Variants in DDHD1 observed in about 807,000 individuals in gnomAD.
DDHD1 encodes phospholipase DDHD1.
A neutral mutation model predicts 96.4 loss-of-function variants in DDHD1; 49 were observed. That is an observed-to-expected ratio of 0.51 (90% CI 0.40 to 0.64). DDHD1 has a LOEUF of 0.64. Among genes scored for constraint, DDHD1 ranks in the 30% least tolerant of loss-of-function variants. DDHD1 has a pLI of 0.00. For synonymous variants in DDHD1, 442 were observed against 446.5 expected, an observed-to-expected ratio of 0.99 and a Z score of 0.13; for missense variants, 1,106 against 1,161.2, an observed-to-expected ratio of 0.95 and a Z score of 0.69.
intron 1 of DDHD1, among the ~76,000 whole-genome samples, chr14:53,106,245 A>G (rs902179206): frequency 1.3e-5 from 2 of 152,222 alleles, no homozygotes; most frequent in African/African-American, 2.4e-5. Flanking sequence ...TTATCACCAC[A>G]TATTTCCTAA....
chr14:53,058,535 A>G lies in DDHD1; in HGVS notation c.1934T>C (p.Ile645Thr). Residue 645 changes from isoleucine (I) to threonine (T), a missense_variant, in exon 9 of 13, where the codon ATT (isoleucine) becomes ACT (threonine). Physicochemically the swap from Ile to Thr is moderately conservative, Grantham distance 89. Around this residue, in one of 2 missense-constraint regions of DDHD1, gnomAD observed 650 missense variants for 758.8 expected, o/e 0.86. Coordinates refer to ENST00000673822, the MANE Select transcript of DDHD1 (RefSeq NM_001160148.2). ...CCGGTTACAAATCTCTCTAGGCAAA[A>G]TATGGTCTTGACTTCCAGTATTTCC... is the stretch of plus-strand genomic sequence containing the variant. ...RPGNTGSQDHILPREICNRLL... is the reference protein window; with the variant it reads ...RPGNTGSQDHTLPREICNRLL... 1 of 1,613,854 alleles carries G rather than the reference A, an allele frequency of 6.2e-7. No individual in the cohort carries two copies. Among genetic ancestry groups the G allele is most frequent in the Non-Finnish European group, 8.5e-7 (1 of 1,179,908 alleles).
intron 2 of DDHD1, chr14:53,103,272 C>G (rs1417824510): frequency 5.1e-6 from 2 of 394,412 alleles, no homozygotes; most frequent in African/African-American, 4.2e-5. Flanking sequence ...AAGAGATACA[C>G]AAAGATAATT....
intron 1 of DDHD1, among the ~76,000 whole-genome samples, chr14:53,111,112 G>A (rs1176148365): frequency 6.6e-6 from 1 of 152,160 alleles, no homozygotes; most frequent in African/African-American, 2.4e-5. Context: ...TTTCTACTAT[G>A]CAAATGCTTG....
chr14:53,108,671 C>T (rs1031463357), intron 1 of DDHD1, among the ~76,000 whole-genome samples: 1 of 152,228 alleles, frequency 6.6e-6, no homozygotes, highest in African/African-American at 2.4e-5. Flanking sequence ...AAAGCGAAAC[C>T]ACAGCTATAA....
chr14:53,138,435 GA>G (rs1412919015), intron 1 of DDHD1, among the ~76,000 whole-genome samples: 1 of 151,762 alleles, frequency 6.6e-6, no homozygotes, highest in Non-Finnish European at 1.5e-5. Context: ...TCTCAAAAAA[GA>G]AAAAAAGCAA....
chr14:53,125,288 C>T (rs1033764410), intron 1 of DDHD1, among the ~76,000 whole-genome samples: 5 of 152,052 alleles, frequency 3.3e-5, no homozygotes, highest in African/African-American at 1.2e-4. Flanking sequence ...TCAACTCTTC[C>T]AAGTTTAATA....
chr14:53,124,768 T>C (rs746488861), intron 1 of DDHD1, among the ~76,000 whole-genome samples: 1 of 152,232 alleles, frequency 6.6e-6, no homozygotes, highest in Non-Finnish European at 1.5e-5. Context: ...AAAGATTTAT[T>C]GTCTCTGTAT....
At chr14:53,055,609 G>A in intron 10 of DDHD1, 51 bp downstream of exon 10, 2 of 1,299,494 alleles carry the variant, frequency 1.5e-6, no homozygotes, top group Non-Finnish European at 1.1e-6. Context: ...CCAAACTTAT[G>A]TCTAGGAAAG....
chr14:53,072,614 G>A lies in DDHD1; in HGVS notation c.1486C>T (p.Pro496Ser). The A allele has an allele frequency of 1.3e-6, 2 of 1,585,580 alleles. No homozygotes were observed. Among genetic ancestry groups the A allele is most frequent in the Non-Finnish European group, 1.7e-6 (2 of 1,162,396 alleles). The change falls in exon 6 of 13, where the codon CCA (proline) becomes TCA (serine). Residue 496 changes from proline to serine, a missense_variant. Pro to Ser is a moderately conservative substitution (Grantham distance 74). Coordinates refer to ENST00000673822, the MANE Select transcript of DDHD1 (RefSeq NM_001160148.2). The stretch of plus-strand genomic sequence containing the variant: ...ACACTTACTTCATCTCTATAAAGTG[G>A]ACTAGTATAATACATTATGTCCATT... The part of the protein sequence containing the change: ...SAMDIMYYTS[P>S]LYRDELVKGL...
intron 1 of DDHD1, among the ~76,000 whole-genome samples, chr14:53,117,151 A>G (rs1888606817): frequency 6.6e-6 from 1 of 152,252 alleles, no homozygotes; most frequent in African/African-American, 2.4e-5. Flanking sequence ...AATAAAGCAG[A>G]AAATCTAGAA....
At chr14:53,080,097 C>T (rs1006278801) in intron 4 of DDHD1, among the ~76,000 whole-genome samples, 3 of 152,184 alleles carry the variant, frequency 2.0e-5, no homozygotes, top group South Asian at 2.1e-4. Context: ...GCATTGCTCA[C>T]GCCTGTAATC....
intron 9 of DDHD1, among the ~76,000 whole-genome samples, chr14:53,057,691 A>G (rs979787903): frequency 2.0e-5 from 3 of 152,220 alleles, no homozygotes; most frequent in African/African-American, 7.2e-5. Context: ...TCTGGGAATA[A>G]TATTTTTACA....
rs1401307975 is a variant in DDHD1, at chr14:53,148,315, T to TC, written c.838+3945dup. ...ATCACTGCCATTGGAATTGAATTATTCTTTTTTTTTTTTTGAGAGGGAGTC... is the reference window on the plus strand; with the variant it reads ...ATCACTGCCATTGGAATTGAATTATTCCTTTTTTTTTTTTTGAGAGGGAGTC... On this transcript the variant is annotated intron_variant, in intron 1 of 12. Coordinates refer to ENST00000673822, the MANE Select transcript of DDHD1 (RefSeq NM_001160148.2). Among the ~76,000 whole-genome samples, 6 of 151,072 alleles carry TC rather than the reference T, an allele frequency of 4.0e-5. No homozygotes were observed. The South Asian group carries it at 1.2e-3, about 31-fold the overall frequency.
intron 1 of DDHD1, among the ~76,000 whole-genome samples, chr14:53,120,820 A>G (rs780310592): frequency 6.6e-6 from 1 of 152,246 alleles, no homozygotes; most frequent in Non-Finnish European, 1.5e-5. Flanking sequence ...AAAGACTTCA[A>G]TGTAAAACCC....
At chr14:53,130,750 G>A (rs1283657201) in intron 1 of DDHD1, among the ~76,000 whole-genome samples, 1 of 152,204 alleles carries the variant, frequency 6.6e-6, no homozygotes, top group African/African-American at 2.4e-5. Flanking sequence ...CATCTGTGTG[G>A]GGCCCCACTG....
At chr14:53,089,202 A>C (rs1219763871) in intron 4 of DDHD1, among the ~76,000 whole-genome samples, 1 of 152,184 alleles carries the variant, frequency 6.6e-6, no homozygotes, top group Admixed American at 6.5e-5. Context: ...ATGCTCATGA[A>C]TAGGAAGAAT....
At chr14:53,123,399 C>A (rs942570648) in intron 1 of DDHD1, among the ~76,000 whole-genome samples, 1 of 152,008 alleles carries the variant, frequency 6.6e-6, no homozygotes, top group Admixed American at 6.6e-5. Context: ...CCACCGACCT[C>A]GGCCACCCAA....
At chr14:53,051,756 G>A in intron 12 of DDHD1, 88 bp downstream of exon 12, 19 of 1,052,122 alleles carry the variant, frequency 1.8e-5, no homozygotes, top group Non-Finnish European at 2.1e-5. Context: ...TCTCATAGAA[G>A]AACTGATCCA....
At chr14:53,080,596 C>T (rs1035750218) in intron 4 of DDHD1, among the ~76,000 whole-genome samples, 2 of 151,364 alleles carry the variant, frequency 1.3e-5, no homozygotes, top group Non-Finnish European at 2.9e-5. Flanking sequence ...CAATATTTTT[C>T]CTTATTTCTC....
Sources: gnomAD v4.1 joint callset for allele counts (sites outside exome capture counted in the v4.1 genomes callset) on GRCh38, gnomAD v4.1.1 for gene constraint, gnomAD v4.1.1 regional missense constraint, MANE v1.5 for transcripts, NCBI Gene and HGNC (gene_info 2026-07-23, HGNC 2026-07-21) for gene names.